The following EDA variants were observed in gnomAD, a reference collection of about 807,000 sequenced individuals.
EDA encodes the protein ectodysplasin-A.
In EDA, 2 loss-of-function variants were observed where a neutral mutation model predicts 23.6. The observed-to-expected ratio is 0.08, with a 90% confidence interval of 0.03 to 0.27. The LOEUF is 0.27. Ranked by LOEUF, EDA falls within the 10% of genes least tolerant of loss-of-function variation. EDA has a pLI of 1.00. For missense variants in EDA, 229 were observed against 324.2 expected (o/e 0.71, Z 2.26); for synonymous variants, 131 against 132.0 (o/e 0.99, Z 0.05).
At chrX:69,770,658 T>C (rs2147427646) in intron 1 of EDA, among the ~76,000 whole-genome samples, 1 of 111,557 alleles carries the variant, frequency 9.0e-6, no homozygotes, top group East Asian at 2.8e-4. Context: ...CAAGTATTTT[T>C]CTCCCAGTGT....
Position 70,035,827 on chromosome X carries a change from G to A in EDA, c.*218G>A. The A allele has an allele frequency of 2.2e-6, 1 of 447,965 alleles. No homozygotes were observed. The highest frequency in any genetic ancestry group is 3.7e-5 in the East Asian group (1 of 26,895). The allele number at this position is 447,965 out of a possible 1,213,427, so 36.9% of individuals were successfully genotyped here. ...ACAGGACAGTTGATGGAGCCCCAGG[G>A]TTTACATGAAGCAGAACCTTCTTTG... is the stretch of plus-strand genomic sequence containing the variant. On this transcript the variant is annotated 3_prime_UTR_variant, in exon 8 of 8. Transcript: ENST00000374552.
chrX:69,750,308 T>C (rs2013791511), intron 1 of EDA, among the ~76,000 whole-genome samples: 1 of 107,912 alleles, frequency 9.3e-6, no homozygotes, highest in African/African-American at 3.4e-5. Flanking sequence ...TTGCCCAGAA[T>C]GATGGTTTCC....
intron 1 of EDA, among the ~76,000 whole-genome samples, chrX:69,831,481 A>G (rs776963870): frequency 9.6e-4 from 108 of 112,418 alleles, no homozygotes; most frequent in African/African-American, 3.5e-3. Flanking sequence ...TGTTGGTTCC[A>G]AGTCTTTGCT....
intron 1 of EDA, among the ~76,000 whole-genome samples, chrX:69,638,750 T>C (rs1313235928): frequency 8.9e-6 from 1 of 111,998 alleles, no homozygotes; most frequent in Non-Finnish European, 1.9e-5. Context: ...TTTATTGTTG[T>C]TTATTTCTTA....
At chrX:69,864,153 A>G (rs1399354483) in intron 1 of EDA, among the ~76,000 whole-genome samples, 1 of 111,493 alleles carries the variant, frequency 9.0e-6, no homozygotes, top group East Asian at 2.8e-4. Flanking sequence ...TTTTAATTTT[A>G]AAATTGTACT....
intron 1 of EDA, among the ~76,000 whole-genome samples, chrX:69,767,642 C>T (rs1400649571): frequency 9.0e-6 from 1 of 111,571 alleles, no homozygotes; most frequent in Non-Finnish European, 1.9e-5. Flanking sequence ...GACTTGTTTC[C>T]ACTTTTTGGC....
intron 1 of EDA, among the ~76,000 whole-genome samples, chrX:69,650,614 G>A (rs1172564268): frequency 8.9e-6 from 1 of 111,999 alleles, no homozygotes; most frequent in Non-Finnish European, 1.9e-5. Flanking sequence ...AAATGTTTGA[G>A]GTGATGAATA....
chrX:69,786,776 G>A (rs1350834072), intron 1 of EDA, among the ~76,000 whole-genome samples: 5 of 111,242 alleles, frequency 4.5e-5, no homozygotes, highest in African/African-American at 1.6e-4. Flanking sequence ...TGTTGATTTG[G>A]GGTGGAGAGT....
Position 69,737,990 on chromosome X carries a change from A to T in EDA, c.396+121286A>T, listed in dbSNP as rs754452457. ...TGCCTTTAATTTGGCTGCCTTTAGC[A>T]TTTTCTCTTTATCACTGGTTTAAAG... On this transcript the variant is annotated intron_variant, in intron 1 of 7. Coordinates refer to ENST00000374552, the MANE Select transcript of EDA (RefSeq NM_001399.5). Among the ~76,000 whole-genome samples the T allele has an allele frequency of 7.2e-5, 8 of 110,932 alleles. No individual in the cohort carries two copies. In the South Asian group the frequency reaches 2.3e-3, roughly 31 times the overall value.
intron 1 of EDA, among the ~76,000 whole-genome samples, chrX:69,661,919 A>G (rs1206065019): frequency 5.4e-5 from 6 of 112,144 alleles, no homozygotes; most frequent in Non-Finnish European, 1.1e-4. Context: ...TTACAGTGAA[A>G]CAAACTAATG....
intron 1 of EDA, among the ~76,000 whole-genome samples, chrX:69,852,237 C>T (rs754092916): frequency 9.0e-6 from 1 of 111,421 alleles, no homozygotes; most frequent in East Asian, 2.9e-4. Context: ...TCAAGTGATT[C>T]TCCTGCCTTA....
chrX:69,695,816 TTAAG>T (rs934708113), intron 1 of EDA, among the ~76,000 whole-genome samples: 1 of 110,404 alleles, frequency 9.1e-6, no homozygotes, highest in African/African-American at 3.3e-5. Flanking sequence ...CTCAGTTTTC[TTAAG>T]TAAGCAAAAA....
At chrX:69,784,616 A>AT (rs1401768608) in intron 1 of EDA, among the ~76,000 whole-genome samples, 1 of 107,729 alleles carries the variant, frequency 9.3e-6, no homozygotes, top group Non-Finnish European at 1.9e-5. Flanking sequence ...ATGTGGCGTT[A>AT]TTTTTGAGGG....
At chrX:69,750,906 C>T (rs1226014200) in intron 1 of EDA, among the ~76,000 whole-genome samples, 1 of 111,254 alleles carries the variant, frequency 9.0e-6, no homozygotes, top group Non-Finnish European at 1.9e-5. Context: ...TTAAGTTCTT[C>T]ATAGATTCTG....
At chrX:69,621,514 T>G (rs893788398) in intron 1 of EDA, among the ~76,000 whole-genome samples, 2 of 112,052 alleles carry the variant, frequency 1.8e-5, no homozygotes, top group Non-Finnish European at 3.8e-5. Context: ...TTGTTATCAC[T>G]ATATCCTCCT....
At chrX:69,830,837 A>G (rs1368966993) in intron 1 of EDA, among the ~76,000 whole-genome samples, 1 of 111,883 alleles carries the variant, frequency 8.9e-6, no homozygotes, top group Non-Finnish European at 1.9e-5. Flanking sequence ...TTTGTAGAGC[A>G]GTTTTTCTCA....
intron 1 of EDA, among the ~76,000 whole-genome samples, chrX:69,809,390 C>G (rs2015889036): frequency 9.0e-6 from 1 of 111,179 alleles, no homozygotes; most frequent in Non-Finnish European, 1.9e-5. Flanking sequence ...TGAGAACTCA[C>G]TATCATGAGG....
intron 1 of EDA, among the ~76,000 whole-genome samples, chrX:69,667,335 G>A (rs1050742282): frequency 9.2e-6 from 1 of 108,737 alleles, no homozygotes; most frequent in Non-Finnish European, 1.9e-5. Flanking sequence ...GGATGGTCTC[G>A]ATCTCCTGAT....
chrX:69,741,569 A>G (rs1423848250), intron 1 of EDA, among the ~76,000 whole-genome samples: 1 of 111,992 alleles, frequency 8.9e-6, no homozygotes, highest in Non-Finnish European at 1.9e-5. Flanking sequence ...GGTATCATAC[A>G]TAGTCAGCTA....
Sources: allele counts gnomAD v4.1 joint callset (sites outside exome capture counted in the v4.1 genomes callset), GRCh38; gene constraint gnomAD v4.1.1; transcripts MANE v1.5; gene names NCBI Gene and HGNC (gene_info 2026-07-23, HGNC 2026-07-21).